TASP1: variants seen among roughly 807,000 people sequenced by gnomAD.
TASP1 encodes the protein taspase 1, also known as threonine aspartase 1.
A neutral mutation model predicts 56.6 loss-of-function variants in TASP1; 16 were observed. That is an observed-to-expected ratio of 0.28 (90% CI 0.19 to 0.43). The LOEUF is 0.43. Among genes scored for constraint, TASP1 ranks in the 20% least tolerant of loss-of-function variants. TASP1 has a pLI of 1.00. For missense variants in TASP1, 393 were observed against 511.6 expected (o/e 0.77, Z 2.24); for synonymous variants, 179 against 184.2 (o/e 0.97, Z 0.23).
At chr20:13,441,697 AG>A (rs2043218134) in intron 11 of TASP1, among the ~76,000 whole-genome samples, 1 of 152,214 alleles carries the variant, frequency 6.6e-6, no homozygotes, top group South Asian at 2.1e-4. Flanking sequence ...TGTAGTGGCA[AG>A]GCAAGCATAA....
At chr20:13,214,359 G>A in the TASP1 span, among the ~76,000 whole-genome samples, 1 of 152,132 alleles carries the variant, frequency 6.6e-6, no homozygotes, top group Admixed American at 6.6e-5. Flanking sequence ...GTTCTCTTAA[G>A]CTCTCTTATG....
intron 11 of TASP1, among the ~76,000 whole-genome samples, chr20:13,470,944 C>T (rs1168233206): frequency 6.6e-6 from 1 of 152,152 alleles, no homozygotes; most frequent in African/African-American, 2.4e-5. Flanking sequence ...CTATCTCTGG[C>T]TTCCAAATCA....
chr20:13,377,591 A>G, the TASP1 span, among the ~76,000 whole-genome samples: 1 of 152,242 alleles, frequency 6.6e-6, no homozygotes, highest in Admixed American at 6.5e-5. Context: ...GCCTCATAAA[A>G]TGAGTTAGGG....
the TASP1 span, chr20:13,117,774 A>T: frequency 7.9e-6 from 12 of 1,521,868 alleles, no homozygotes; most frequent in South Asian, 1.4e-4. Context: ...CGCCCTGGGG[A>T]TGCCGTGTGT....
the TASP1 span, among the ~76,000 whole-genome samples, chr20:13,242,091 G>T: frequency 6.6e-6 from 1 of 152,318 alleles, no homozygotes; most frequent in East Asian, 1.9e-4. Flanking sequence ...TAAAAGAATG[G>T]AAAGTGTCTT....
the TASP1 span, among the ~76,000 whole-genome samples, chr20:13,262,726 G>A: frequency 7.2e-5 from 11 of 152,192 alleles, no homozygotes; most frequent in Admixed American, 7.2e-4. Context: ...CACCAGTGAA[G>A]TGTTGATCTC....
chr20:13,603,155 C>G (rs1014716006), intron 4 of TASP1, among the ~76,000 whole-genome samples: 1 of 151,874 alleles, frequency 6.6e-6, no homozygotes, highest in Non-Finnish European at 1.5e-5. Context: ...CGCTTGAACC[C>G]GGAGGGTGGA....
At chr20:13,293,594 G>A in the TASP1 span, among the ~76,000 whole-genome samples, 2 of 151,978 alleles carry the variant, frequency 1.3e-5, no homozygotes, top group African/African-American at 4.8e-5. Flanking sequence ...AATGGGGTCA[G>A]GTAAGCATCT....
At chr20:13,455,770 T>C (rs2146318184) in intron 11 of TASP1, among the ~76,000 whole-genome samples, 1 of 152,292 alleles carries the variant, frequency 6.6e-6, no homozygotes, top group South Asian at 2.1e-4. Flanking sequence ...TCTGCTGCTG[T>C]GCATTTCATC....
chr20:13,311,717 A>G, the TASP1 span, among the ~76,000 whole-genome samples: 12 of 152,326 alleles, frequency 7.9e-5, no homozygotes, highest in Middle Eastern at 6.8e-3. Context: ...TCTCACTTAT[A>G]TGTGGAATCT....
the TASP1 span, among the ~76,000 whole-genome samples, chr20:13,115,106 G>T: frequency 6.6e-6 from 1 of 151,858 alleles, no homozygotes; most frequent in Non-Finnish European, 1.5e-5. Flanking sequence ...AGAATAAATT[G>T]CTGTTCTTGT....
At chr20:13,382,707 T>G in the TASP1 span, among the ~76,000 whole-genome samples, 1 of 152,240 alleles carries the variant, frequency 6.6e-6, no homozygotes, top group Non-Finnish European at 1.5e-5. Context: ...ATCTGTAATT[T>G]ATTTCTGTGT....
intron 8 of TASP1, among the ~76,000 whole-genome samples, chr20:13,556,473 T>C (rs2046160712): frequency 6.6e-6 from 1 of 151,940 alleles, no homozygotes; most frequent in Non-Finnish European, 1.5e-5. Flanking sequence ...TTTAAACTCT[T>C]CAATGGCTAG....
chr20:13,133,032 ATC>A, the TASP1 span: 1 of 152,214 alleles, frequency 6.6e-6, no homozygotes, highest in Admixed American at 6.6e-5. Flanking sequence ...ATTAAACTTG[ATC>A]TCTCTGCATC....
chr20:13,299,523 G>A, the TASP1 span: 1 of 1,459,206 alleles, frequency 6.9e-7, no homozygotes, highest in Non-Finnish European at 9.2e-7. This position sits in a 1 kb window ranked among gnomAD's most constrained non-coding sequence, Gnocchi z 5.8. Context: ...CTGCACTGAC[G>A]TGCCGACTGG....
At chr20:13,280,873 T>C in the TASP1 span, among the ~76,000 whole-genome samples, 14 of 152,322 alleles carry the variant, frequency 9.2e-5, no homozygotes, top group South Asian at 2.7e-3. Flanking sequence ...CAGTTTGTTA[T>C]AAGGATATTT....
intron 13 of TASP1, among the ~76,000 whole-genome samples, chr20:13,399,041 C>G (rs890228862): frequency 6.6e-6 from 1 of 152,170 alleles, no homozygotes; most frequent in Non-Finnish European, 1.5e-5. Context: ...GTCCTCAAAT[C>G]TAATTTCACA....
At chr20:13,210,143 T>C in the TASP1 span, among the ~76,000 whole-genome samples, 1 of 152,222 alleles carries the variant, frequency 6.6e-6, no homozygotes, top group Non-Finnish European at 1.5e-5. Flanking sequence ...ATATTATGTC[T>C]CTGAGAATCA....
chr20:13,422,986 C>T (rs567675677), intron 12 of TASP1, among the ~76,000 whole-genome samples: 2 of 152,290 alleles, frequency 1.3e-5, no homozygotes, highest in South Asian at 2.1e-4. Context: ...ATCAAAATTA[C>T]ACACTCTTTG....
Sources: allele counts gnomAD v4.1 joint callset (sites outside exome capture counted in the v4.1 genomes callset), GRCh38; gene constraint gnomAD v4.1.1; non-coding constraint Gnocchi (gnomAD v3.1); transcripts MANE v1.5; gene names NCBI Gene and HGNC (gene_info 2026-07-23, HGNC 2026-07-21).